Variants in ARID1B observed in about 807,000 individuals in gnomAD.
ARID1B encodes AT-rich interaction domain 1B, also known as AT-rich interactive domain-containing protein 1B.
ARID1B carries 30 observed loss-of-function variants against 212.3 expected under a neutral mutation model. The ratio of observed to expected loss-of-function variants is 0.14; its 90% CI spans 0.11 to 0.19. The LOEUF (loss-of-function observed/expected upper bound fraction) is 0.19, where lower values mean the gene tolerates loss of function less well. Ranked by LOEUF, ARID1B falls within the 10% of genes least tolerant of loss-of-function variation. ARID1B has a pLI of 1.00. For synonymous variants in ARID1B, 1,402 were observed against 1,301.7 expected, an observed-to-expected ratio of 1.08 and a Z score of -1.66; for missense variants, 2,891 against 3,204.0, an observed-to-expected ratio of 0.90 and a Z score of 2.36.
intron 4 of ARID1B, chr6:156,939,945 A>C (rs1792543141): frequency 6.6e-6 from 1 of 152,270 alleles, no homozygotes; most frequent in Non-Finnish European, 1.5e-5. Flanking sequence ...GGAAGTAAAC[A>C]TGAAAAAGGA....
chr6:157,150,569 A>AC (rs1328924872), intron 8 of ARID1B: 3 of 165,848 alleles, frequency 1.8e-5, no homozygotes, highest in East Asian at 2.5e-4. Flanking sequence ...CATTTTCTGT[A>AC]CCCCCCACCC....
intron 6 of ARID1B, among the ~76,000 whole-genome samples, chr6:157,129,625 G>C (rs754061032): frequency 2.0e-4 from 31 of 152,332 alleles, no homozygotes; most frequent in Non-Finnish European, 4.3e-4. Context: ...AATTGATACT[G>C]TGAAGCAGCC....
intron 4 of ARID1B, chr6:156,941,438 A>G (rs41470249): frequency 6.6e-6 from 1 of 152,154 alleles, no homozygotes; most frequent in South Asian, 2.1e-4. Context: ...GTTCTTGAAC[A>G]TAATTTTCAT....
chr6:156,806,520 C>T (rs1781168402), intron 1 of ARID1B, among the ~76,000 whole-genome samples: 1 of 152,228 alleles, frequency 6.6e-6, no homozygotes. Flanking sequence ...CTTAATAATA[C>T]TACTTTACAG....
chr6:157,026,214 A>C (rs962407548), intron 4 of ARID1B, among the ~76,000 whole-genome samples: 1 of 152,086 alleles, frequency 6.6e-6, no homozygotes, highest in African/African-American at 2.4e-5. Flanking sequence ...CGCCAGGCCT[A>C]TTTTTAAAAA....
At chr6:157,181,960 G>C (rs1221568100) in intron 12 of ARID1B, among the ~76,000 whole-genome samples, 4 of 152,200 alleles carry the variant, frequency 2.6e-5, no homozygotes, top group Non-Finnish European at 4.4e-5. Context: ...ACAAAATCAA[G>C]TACAGGATGG....
chr6:157,062,708 T>TA (rs67256455), intron 4 of ARID1B, among the ~76,000 whole-genome samples: 2,731 of 77,590 alleles, frequency 0.035, 71 homozygotes, highest in Admixed American at 0.12. Flanking sequence ...ATATATATAT[T>TA]TTTTTTTTTT....
chr6:157,074,860 T>C (rs1784210152), intron 4 of ARID1B, among the ~76,000 whole-genome samples: 1 of 152,016 alleles, frequency 6.6e-6, no homozygotes, highest in Non-Finnish European at 1.5e-5. Flanking sequence ...CATCATGGCG[T>C]GGTGTAAGAA....
At chr6:156,997,583 A>T (rs1778667941) in intron 4 of ARID1B, among the ~76,000 whole-genome samples, 1 of 152,002 alleles carries the variant, frequency 6.6e-6, no homozygotes, top group South Asian at 2.1e-4. Context: ...GAAGTAACAG[A>T]TGTAGAGAAA....
At chr6:156,785,365 C>G (rs1256925136) in intron 1 of ARID1B, among the ~76,000 whole-genome samples, 1 of 152,122 alleles carries the variant, frequency 6.6e-6, no homozygotes, top group Admixed American at 6.5e-5. Context: ...TCTTCCTGGG[C>G]CTTGATGAAT....
intron 1 of ARID1B, among the ~76,000 whole-genome samples, chr6:156,802,055 G>A (rs1019473573): frequency 1.3e-5 from 2 of 152,250 alleles, no homozygotes; most frequent in African/African-American, 4.8e-5. Context: ...TATCGAAGGT[G>A]TGAGCCAAGC....
chr6:157,035,692 C>T lies in ARID1B; in HGVS notation c.2248-48970C>T, dbSNP rs183040058. Among the ~76,000 whole-genome samples the T allele has an allele frequency of 1.3e-4, 20 of 152,256 alleles. No homozygotes were observed. In the South Asian group the frequency reaches 1.7e-3, roughly 13 times the overall value. On this transcript the variant is annotated intron_variant, in intron 4 of 19. Coordinates refer to ENST00000636930, the MANE Select transcript of ARID1B (RefSeq NM_001374828.1). ...AGCAACATATGGTTTTCTATGAAAA[C>T]GAGGCTGCTCATCTCCATCCCTAAT...
chr6:156,932,145 A>AGGCGG (rs1554270211), intron 3 of ARID1B, among the ~76,000 whole-genome samples: 2 of 61,380 alleles, frequency 3.3e-5, no homozygotes, highest in Middle Eastern at 9.6e-3. Flanking sequence ...AAAAAAAAAA[A>AGGCGG]GGGGGGGGGC....
chr6:156,844,005 G>A (rs1946397234), intron 2 of ARID1B, among the ~76,000 whole-genome samples: 1 of 152,144 alleles, frequency 6.6e-6, no homozygotes, highest in Non-Finnish European at 1.5e-5. Flanking sequence ...GGGGAGAGAG[G>A]CATGTGTTCT....
chr6:156,846,818 G>A (rs1014878909), intron 2 of ARID1B, among the ~76,000 whole-genome samples: 6 of 152,134 alleles, frequency 3.9e-5, no homozygotes, highest in African/African-American at 1.2e-4. Context: ...TGGGAAGGGG[G>A]ATCTCTGAAT....
chr6:157,091,270 C>G (rs1230741173), intron 5 of ARID1B, among the ~76,000 whole-genome samples: 1 of 152,098 alleles, frequency 6.6e-6, no homozygotes, highest in African/African-American at 2.4e-5. Flanking sequence ...AGACAAAAAG[C>G]ATGAGTTCTA....
At chr6:157,047,168 C>T (rs771679183) in intron 4 of ARID1B, among the ~76,000 whole-genome samples, 14 of 152,094 alleles carry the variant, frequency 9.2e-5, no homozygotes, top group Non-Finnish European at 1.5e-4. Context: ...GATCAGCTTT[C>T]AATAGTGAAA....
At chr6:157,032,233 A>G (rs1781061429) in intron 4 of ARID1B, among the ~76,000 whole-genome samples, 1 of 152,242 alleles carries the variant, frequency 6.6e-6, no homozygotes, top group Non-Finnish European at 1.5e-5. Context: ...ATTTCTTTAC[A>G]TTAACACAGT....
rs1487467554 is a variant in ARID1B, at chr6:156,777,905, C to G, written c.225C>G (p.Pro75=). 1 of 1,509,522 alleles carries G rather than the reference C, an allele frequency of 6.6e-7. No homozygotes were observed. The highest frequency in any genetic ancestry group is 2.5e-5 in the East Asian group (1 of 40,206). The allele number at this position is 1,509,522 out of a possible 1,614,324, so 93.5% of individuals were successfully genotyped here. Residue 75 remains proline (P), a synonymous_variant, in exon 1 of 20, where the codon CCC becomes CCG. Transcript: ENST00000636930. ...GCCTGAACAGTGTGCACCACCACCC[C>G]CTGCTCCCCCGTCACGAACTCAACA... The part of the protein sequence containing the change: ...GGGLNSVHHH[P]LLPRHELNMA...
Sources: allele counts gnomAD v4.1 joint callset (sites outside exome capture counted in the v4.1 genomes callset), GRCh38; gene constraint gnomAD v4.1.1; transcripts MANE v1.5; gene names NCBI Gene and HGNC (gene_info 2026-07-23, HGNC 2026-07-21).